The following CTDSPL variants were observed in gnomAD, a reference collection of about 807,000 sequenced individuals.
CTDSPL encodes CTD small phosphatase like, also known as CTD small phosphatase-like protein.
In CTDSPL, 8 loss-of-function variants were observed where a neutral mutation model predicts 30.5. The ratio of observed to expected loss-of-function variants is 0.26; its 90% confidence interval spans 0.15 to 0.47. The LOEUF (loss-of-function observed/expected upper bound fraction) is 0.47, where lower values mean the gene tolerates loss of function less well. CTDSPL is among the 20% of genes least tolerant of loss of function. The pLI is 0.99. For missense variants in CTDSPL, 248 were observed against 366.1 expected, an observed-to-expected ratio of 0.68 and a Z score of 2.63; for synonymous variants, 110 against 137.9, an observed-to-expected ratio of 0.80 and a Z score of 1.42.
chr3:37,904,868 C>T (rs1267775394), intron 1 of CTDSPL, among the ~76,000 whole-genome samples: 3 of 152,172 alleles, frequency 2.0e-5, no homozygotes, highest in African/African-American at 4.8e-5. Context: ...GATTTCCTGC[C>T]TCTAGGTCTC....
chr3:37,892,165 C>T (rs1424645994), intron 1 of CTDSPL, among the ~76,000 whole-genome samples: 2 of 152,108 alleles, frequency 1.3e-5, no homozygotes, highest in Non-Finnish European at 2.9e-5. Flanking sequence ...TGCATTAACA[C>T]CTTTAACTCT....
chr3:37,971,540 TCC>T, intron 6 of CTDSPL, 41 bp downstream of exon 6: 1 of 1,553,116 alleles, frequency 6.4e-7, no homozygotes. Context: ...AGCCTGGTAC[TCC>T]CAGCCCCTCC....
At chr3:37,928,141 C>T (rs1029853212) in intron 1 of CTDSPL, among the ~76,000 whole-genome samples, 6 of 152,102 alleles carry the variant, frequency 3.9e-5, no homozygotes, top group African/African-American at 1.2e-4. Context: ...TCCATTCATC[C>T]GTTAATGGAC....
chr3:37,927,703 TATAA>T (rs1409381816), intron 1 of CTDSPL, among the ~76,000 whole-genome samples: 4 of 149,070 alleles, frequency 2.7e-5, no homozygotes, highest in Non-Finnish European at 4.4e-5. Flanking sequence ...TATATATATA[TATAA>T]AAAATGAAAT....
At chr3:37,875,867 G>T (rs1469909867) in intron 1 of CTDSPL, among the ~76,000 whole-genome samples, 1 of 152,170 alleles carries the variant, frequency 6.6e-6, no homozygotes, top group Non-Finnish European at 1.5e-5. Context: ...AGCACTTATT[G>T]GTAAGCGTTA....
chr3:37,909,163 T>G (rs1017767434), intron 1 of CTDSPL, among the ~76,000 whole-genome samples: 2 of 152,198 alleles, frequency 1.3e-5, no homozygotes, highest in Non-Finnish European at 2.9e-5. Context: ...CATGGCATGA[T>G]GAAAAATGCA....
intron 1 of CTDSPL, among the ~76,000 whole-genome samples, chr3:37,875,290 A>G (rs1464177676): frequency 6.6e-6 from 1 of 152,230 alleles, no homozygotes; most frequent in Non-Finnish European, 1.5e-5. Flanking sequence ...CACCTAAGTA[A>G]TAGCTCATTT....
Position 37,975,857 on chromosome 3 carries a change from A to G in CTDSPL, c.668A>G (p.Asn223Ser). 6.2e-7 allele frequency: 1 copy of G among 1,614,094 alleles called. No individual in the cohort carries two copies. The highest frequency in any genetic ancestry group is 8.5e-7 in the Non-Finnish European group (1 of 1,180,020). The change falls in exon 7 of 8, where the codon AAT (asparagine) becomes AGT (serine). Residue 223 changes from asparagine (N) to serine (S), a missense_variant. Asn to Ser is a conservative substitution (Grantham distance 46). Around this residue, in one of 4 missense-constraint regions of CTDSPL, gnomAD observed 84 missense variants for 139.4 expected, o/e 0.60. Transcript: ENST00000273179. The surrounding 1 kb of genome is among the most constrained non-coding windows in gnomAD (Gnocchi z 4.9). ...CTGAGCAAAGTGATCATTGTTGACAATTCCCCTGCCTCATACATCTTCCAT... is the reference window on the plus strand; with the variant it reads ...CTGAGCAAAGTGATCATTGTTGACAGTTCCCCTGCCTCATACATCTTCCAT... ...RELSKVIIVD[N>S]SPASYIFHPE...
chr3:37,969,915 G>A (rs978232732), intron 5 of CTDSPL, among the ~76,000 whole-genome samples: 2 of 152,144 alleles, frequency 1.3e-5, no homozygotes, highest in African/African-American at 2.4e-5. Context: ...AGAATTCCTC[G>A]GCCAGCAGCA....
intron 3 of CTDSPL, among the ~76,000 whole-genome samples, chr3:37,960,579 A>C (rs1426001247): frequency 1.5e-5 from 1 of 67,072 alleles, no homozygotes; most frequent in Non-Finnish European, 3.5e-5. Context: ...CACACACACA[A>C]TTAGCTGGGT....
At chr3:37,958,852 G>C (rs1699204512) in intron 3 of CTDSPL, among the ~76,000 whole-genome samples, 2 of 152,188 alleles carry the variant, frequency 1.3e-5, no homozygotes, top group African/African-American at 4.8e-5. Flanking sequence ...CCACTAGTGA[G>C]CACAGTGTGA....
chr3:37,930,846 G>A (rs532705790), intron 1 of CTDSPL, among the ~76,000 whole-genome samples: 6 of 152,084 alleles, frequency 3.9e-5, no homozygotes, highest in East Asian at 1.9e-4. Flanking sequence ...CATTTCTATC[G>A]GTGCTTGCTT....
At chr3:37,932,029 A>G (rs959218215) in intron 1 of CTDSPL, among the ~76,000 whole-genome samples, 1 of 152,084 alleles carries the variant, frequency 6.6e-6, no homozygotes, top group African/African-American at 2.4e-5. Context: ...AACATAAAAC[A>G]ATAAATCTAC....
chr3:37,873,630 C>G (rs1249777437), intron 1 of CTDSPL, among the ~76,000 whole-genome samples: 1 of 152,144 alleles, frequency 6.6e-6, no homozygotes. Context: ...TTCTTGGAGG[C>G]AGAAGTCCCC....
chr3:37,864,522 T>A (rs181396818), intron 1 of CTDSPL, among the ~76,000 whole-genome samples: 1 of 152,300 alleles, frequency 6.6e-6, no homozygotes, highest in East Asian at 1.9e-4. Flanking sequence ...TAGTAGGTCC[T>A]TCTTGCTGAA....
chr3:37,872,572 C>CTTTTTTTTTTTTTTTTTTTTTT (rs1294021036), intron 1 of CTDSPL, among the ~76,000 whole-genome samples: 1 of 54,262 alleles, frequency 1.8e-5, no homozygotes, highest in Non-Finnish European at 3.6e-5. Flanking sequence ...ATTCTTTTAT[C>CTTTTTTTTTTTTTTTTTTTTTT]TTTTTTTTTT....
intron 1 of CTDSPL, among the ~76,000 whole-genome samples, chr3:37,876,665 G>A (rs1426310233): frequency 1.3e-5 from 2 of 152,074 alleles, no homozygotes; most frequent in Non-Finnish European, 2.9e-5. Context: ...AATTGTTTGA[G>A]TGCTTATTAT....
intron 1 of CTDSPL, among the ~76,000 whole-genome samples, chr3:37,917,739 C>A (rs976857381): frequency 1.3e-5 from 2 of 152,206 alleles, no homozygotes; most frequent in Non-Finnish European, 2.9e-5. Context: ...ATGAAACATT[C>A]ATTCTTTAAT....
chr3:37,974,756 A>G lies in CTDSPL; in HGVS notation c.520-953A>G, dbSNP rs931666542. Among the ~76,000 whole-genome samples, 6 of 152,102 alleles carry G rather than the reference A, an allele frequency of 3.9e-5. No homozygotes were observed. The South Asian group carries it at 1.0e-3, about 26-fold the overall frequency. On this transcript the variant is annotated intron_variant, in intron 6 of 7. Transcript: ENST00000273179. ...GCTTCAAGGAAGTGGATGGGCATCT[A>G]TGGGAGTGGACGGCTGGGCACCATC...
Sources: allele counts gnomAD v4.1 joint callset (sites outside exome capture counted in the v4.1 genomes callset), GRCh38; gene constraint gnomAD v4.1.1; regional missense constraint gnomAD v4.1.1; non-coding constraint Gnocchi (gnomAD v3.1); transcripts MANE v1.5; gene names NCBI Gene and HGNC (gene_info 2026-07-23, HGNC 2026-07-21).